Variants in CSGALNACT1 observed in about 807,000 individuals in gnomAD.
CSGALNACT1 encodes the protein beta4GalNAcT-1.
A neutral mutation model predicts 51.0 loss-of-function variants in CSGALNACT1; 52 were observed. That is an observed-to-expected ratio of 1.02 (90% CI 0.82 to 1.29). CSGALNACT1 has a LOEUF of 1.29. Among genes scored for constraint, CSGALNACT1 ranks in the 50% most tolerant of loss-of-function variants. The pLI, the probability that CSGALNACT1 is intolerant of heterozygous loss-of-function variation, is 0.00. For missense variants in CSGALNACT1, 935 were observed against 679.2 expected (o/e 1.38, Z -4.19); for synonymous variants, 341 against 254.4 (o/e 1.34, Z -3.24).
At chr8:19,558,924 A>C (rs1303921657) in intron 3 of CSGALNACT1, among the ~76,000 whole-genome samples, 1 of 152,150 alleles carries the variant, frequency 6.6e-6, no homozygotes, top group Non-Finnish European at 1.5e-5. Context: ...TTATTAGCTA[A>C]ACTGGAAATA....
At chr8:19,522,603 T>C (rs2080946389) in intron 3 of CSGALNACT1, among the ~76,000 whole-genome samples, 1 of 152,126 alleles carries the variant, frequency 6.6e-6, no homozygotes, top group Non-Finnish European at 1.5e-5. Flanking sequence ...GTTGTACACA[T>C]GGGGCTGCAA....
intron 1 of CSGALNACT1, among the ~76,000 whole-genome samples, chr8:19,675,800 A>G (rs928505137): frequency 6.6e-6 from 1 of 152,048 alleles, no homozygotes; most frequent in Admixed American, 6.5e-5. Context: ...CTAATTCTAT[A>G]TATGAACCTC....
chr8:19,443,821 A>T (rs546659609), intron 5 of CSGALNACT1, among the ~76,000 whole-genome samples: 1 of 152,158 alleles, frequency 6.6e-6, no homozygotes, highest in Non-Finnish European at 1.5e-5. Flanking sequence ...TTATATCAGC[A>T]GCCCCCAAAT....
At chr8:19,680,593 A>C (rs75289914) in intron 1 of CSGALNACT1, among the ~76,000 whole-genome samples, 3,356 of 128,750 alleles carry the variant, frequency 0.026, 157 homozygotes, top group African/African-American at 0.091. Context: ...AAAAAAGAGA[A>C]TAGTGCAAAT....
chr8:19,500,420 C>A (rs2076218303), intron 4 of CSGALNACT1, among the ~76,000 whole-genome samples: 1 of 150,956 alleles, frequency 6.6e-6, no homozygotes, highest in Admixed American at 6.6e-5. Flanking sequence ...CAGAATGCAC[C>A]TGAAAGGCTG....
intron 4 of CSGALNACT1, among the ~76,000 whole-genome samples, chr8:19,498,691 C>G (rs1376082460): frequency 6.6e-6 from 1 of 152,160 alleles, no homozygotes; most frequent in Non-Finnish European, 1.5e-5. Context: ...TTCCCCTGAG[C>G]CTTTCCTGCC....
chr8:19,406,245 C>A (rs551226946), intron 9 of CSGALNACT1, among the ~76,000 whole-genome samples, 176 bp from the exon 9 acceptor site: 1 of 152,214 alleles, frequency 6.6e-6, no homozygotes, highest in South Asian at 2.1e-4. Context: ...AATTCCCCAA[C>A]AAAGACGACT....
At chr8:19,428,451 T>C (rs910218714) in intron 6 of CSGALNACT1, among the ~76,000 whole-genome samples, 1 of 152,120 alleles carries the variant, frequency 6.6e-6, no homozygotes, top group African/African-American at 2.4e-5. Context: ...GTGAGACTTA[T>C]TCACCACCAT....
intron 1 of CSGALNACT1, among the ~76,000 whole-genome samples, chr8:19,701,656 TGGATAATGATGACGATGATCACAA>T (rs1378681903): frequency 6.6e-6 from 1 of 152,200 alleles, no homozygotes; most frequent in African/African-American, 2.4e-5. Context: ...TAAATGTTAC[TGGATAATGATGACGATGATCACAA>T]GGATAATGAT....
chr8:19,734,060 GA>G (rs1274255590), intron 1 of CSGALNACT1, among the ~76,000 whole-genome samples: 1 of 152,198 alleles, frequency 6.6e-6, no homozygotes, highest in African/African-American at 2.4e-5. Context: ...TCAAGGGATG[GA>G]GAGGGACCAG....
intron 6 of CSGALNACT1, among the ~76,000 whole-genome samples, chr8:19,436,798 C>G (rs908647052): frequency 1.3e-5 from 2 of 152,088 alleles, no homozygotes; most frequent in African/African-American, 4.8e-5. Flanking sequence ...GTAGTCCCAG[C>G]TACTAAGGAG....
At chr8:19,578,603 T>C (rs915853012) in intron 3 of CSGALNACT1, among the ~76,000 whole-genome samples, 1 of 152,210 alleles carries the variant, frequency 6.6e-6, no homozygotes, top group African/African-American at 2.4e-5. Flanking sequence ...CTGTATTCGC[T>C]ATGAACTTAC....
chr8:19,653,724 A>T (rs1334526054), intron 1 of CSGALNACT1, among the ~76,000 whole-genome samples: 1 of 151,898 alleles, frequency 6.6e-6, no homozygotes, highest in Non-Finnish European at 1.5e-5. Flanking sequence ...AGCCCAGGGG[A>T]TCAAGGCTAC....
intron 5 of CSGALNACT1, among the ~76,000 whole-genome samples, chr8:19,442,759 A>C (rs11985099): frequency 6.6e-6 from 1 of 151,714 alleles, no homozygotes; most frequent in Non-Finnish European, 1.5e-5. Context: ...TGAGAAAGCT[A>C]AAGTCCAGAG....
intron 1 of CSGALNACT1, among the ~76,000 whole-genome samples, chr8:19,607,844 G>C (rs1165826547): frequency 6.6e-6 from 1 of 152,204 alleles, no homozygotes; most frequent in Non-Finnish European, 1.5e-5. Flanking sequence ...TTTATCTGTT[G>C]TCTTCTCACT....
chr8:19,514,824 C>A (rs533611090), intron 3 of CSGALNACT1, among the ~76,000 whole-genome samples: 1 of 151,762 alleles, frequency 6.6e-6, no homozygotes, highest in Non-Finnish European at 1.5e-5. Context: ...CAGAGTGAAA[C>A]TCCGTCTCCA....
intron 6 of CSGALNACT1, 101 bp from the exon 6 acceptor site, chr8:19,420,619 CT>C (rs1227867253): frequency 3.2e-6 from 4 of 1,251,342 alleles, no homozygotes; most frequent in Non-Finnish European, 4.7e-6. Flanking sequence ...TGACCCATTT[CT>C]TTTGTAACCT....
At chr8:19,669,458 G>T (rs1379887837) in intron 1 of CSGALNACT1, among the ~76,000 whole-genome samples, 1 of 151,994 alleles carries the variant, frequency 6.6e-6, no homozygotes, top group African/African-American at 2.4e-5. Flanking sequence ...TGTTTGTTTG[G>T]TTTTTATTTT....
chr8:19,526,251 G>A (rs998858455), intron 3 of CSGALNACT1, among the ~76,000 whole-genome samples: 2 of 152,036 alleles, frequency 1.3e-5, no homozygotes, highest in African/African-American at 2.4e-5. Flanking sequence ...TAACTAGAGG[G>A]GCAGAACAGC....
Sources: gnomAD v4.1 joint callset for allele counts (sites outside exome capture counted in the v4.1 genomes callset) on GRCh38, gnomAD v4.1.1 for gene constraint, MANE v1.5 for transcripts, NCBI Gene and HGNC (gene_info 2026-07-23, HGNC 2026-07-21) for gene names.